PTPRD: variants seen among roughly 807,000 people sequenced by gnomAD.
PTPRD encodes protein tyrosine phosphatase receptor type D, also known as receptor-type tyrosine-protein phosphatase delta.
Under a neutral mutation model 214.5 loss-of-function variants are expected in PTPRD, and 34 were observed. The observed-to-expected ratio is 0.16, with a 90% CI of 0.12 to 0.21. The LOEUF (loss-of-function observed/expected upper bound fraction) is 0.21. PTPRD is among the 10% of genes least tolerant of loss of function. The pLI is 1.00. For missense variants in PTPRD, 2,545 were observed against 2,398.7 expected, an observed-to-expected ratio of 1.06 and a Z score of -1.27; for synonymous variants, 1,128 against 845.7, an observed-to-expected ratio of 1.33 and a Z score of -5.79.
intron 2 of PTPRD, among the ~76,000 whole-genome samples, chr9:10,446,962 A>AT (rs1465136752): frequency 3.3e-5 from 5 of 152,160 alleles, no homozygotes; most frequent in African/African-American, 1.2e-4. Context: ...ATAAGTGCAA[A>AT]GGGTATTTAG....
chr9:9,653,439 G>C (rs987044922), intron 7 of PTPRD, among the ~76,000 whole-genome samples: 62 of 142,108 alleles, frequency 4.4e-4, no homozygotes, highest in Non-Finnish European at 8.8e-4. Context: ...AGCAAATATA[G>C]GTCCTTTGGT....
chr9:9,092,768 T>A (rs925423738), intron 10 of PTPRD, among the ~76,000 whole-genome samples: 1 of 152,034 alleles, frequency 6.6e-6, no homozygotes, highest in Non-Finnish European at 1.5e-5. Context: ...GTGCTTTAAA[T>A]ATAAAGATGA....
At chr9:9,290,171 C>T (rs930595216) in intron 9 of PTPRD, among the ~76,000 whole-genome samples, 1 of 151,516 alleles carries the variant, frequency 6.6e-6, no homozygotes, top group Non-Finnish European at 1.5e-5. Context: ...TGAGGTGATA[C>T]CTCATTGTGG....
chr9:8,825,724 C>T (rs752728085), intron 11 of PTPRD, among the ~76,000 whole-genome samples: 1 of 152,122 alleles, frequency 6.6e-6, no homozygotes, highest in Non-Finnish European at 1.5e-5. Flanking sequence ...CTGCTGGTTG[C>T]CCATTGTTAT....
At chr9:9,265,348 A>G (rs1214592378) in intron 9 of PTPRD, among the ~76,000 whole-genome samples, 1 of 151,546 alleles carries the variant, frequency 6.6e-6, no homozygotes, top group East Asian at 2.0e-4. Flanking sequence ...TGCAGCCTTG[A>G]ACTCCTGGGC....
chr9:8,947,462 CAAAAA>C (rs138279192), intron 11 of PTPRD, among the ~76,000 whole-genome samples: 1 of 93,032 alleles, frequency 1.1e-5, no homozygotes. Flanking sequence ...GACTCTGTCT[CAAAAA>C]AAAAAAAAAA....
At chr9:9,113,563 GT>G (rs951622878) in intron 10 of PTPRD, among the ~76,000 whole-genome samples, 1 of 152,082 alleles carries the variant, frequency 6.6e-6, no homozygotes, top group African/African-American at 2.4e-5. Flanking sequence ...GAAAAGGGAT[GT>G]TTTTTGAAGT....
intron 8 of PTPRD, among the ~76,000 whole-genome samples, chr9:9,444,424 A>G (rs1467736744): frequency 6.6e-6 from 1 of 152,182 alleles, no homozygotes; most frequent in Admixed American, 6.5e-5. Context: ...TAATTCTCAG[A>G]CCCAAAGGAC....
At chr9:8,958,245 C>T (rs2099141815) in intron 11 of PTPRD, among the ~76,000 whole-genome samples, 2 of 151,832 alleles carry the variant, frequency 1.3e-5, no homozygotes, top group Non-Finnish European at 1.5e-5. Flanking sequence ...TTGTGTCCTG[C>T]TTGCCACTTC....
At chr9:10,374,008 A>C (rs1283995416) in intron 2 of PTPRD, among the ~76,000 whole-genome samples, 1 of 152,104 alleles carries the variant, frequency 6.6e-6, no homozygotes, top group East Asian at 1.9e-4. Flanking sequence ...ATATCTGTTT[A>C]TATCAACATT....
intron 4 of PTPRD, among the ~76,000 whole-genome samples, chr9:9,955,056 C>T (rs937314669): frequency 1.3e-5 from 2 of 152,116 alleles, no homozygotes; most frequent in Non-Finnish European, 2.9e-5. Context: ...AAAGAGCTTG[C>T]ATTTTAGTGA....
chr9:8,800,225 C>CT (rs536683658), intron 11 of PTPRD, among the ~76,000 whole-genome samples: 2 of 151,838 alleles, frequency 1.3e-5, no homozygotes, highest in African/African-American at 2.4e-5. Context: ...ATTTTTTTGG[C>CT]TTTTTTTAAG....
At chr9:9,635,993 C>G (rs1053458826) in intron 7 of PTPRD, among the ~76,000 whole-genome samples, 2 of 152,146 alleles carry the variant, frequency 1.3e-5, no homozygotes, top group African/African-American at 4.8e-5. Flanking sequence ...ATACAAAACT[C>G]TTCACTGATA....
At chr9:9,555,606 GCTTT>G (rs778273744) in intron 8 of PTPRD, among the ~76,000 whole-genome samples, 1 of 151,960 alleles carries the variant, frequency 6.6e-6, no homozygotes, top group Non-Finnish European at 1.5e-5. Flanking sequence ...TTTCCTGTTT[GCTTT>G]CTATTTTAGA....
At chr9:10,387,820 C>CTTTTTTTT (rs58959929) in intron 2 of PTPRD, among the ~76,000 whole-genome samples, 7 of 82,574 alleles carry the variant, frequency 8.5e-5, no homozygotes, top group East Asian at 4.7e-4. Context: ...AAGATTTTGT[C>CTTTTTTTT]TTTTTTTTTT....
intron 2 of PTPRD, among the ~76,000 whole-genome samples, chr9:10,459,489 A>G (rs2098942711): frequency 6.6e-6 from 1 of 152,146 alleles, no homozygotes. Context: ...ATCTTCCACA[A>G]TGGTTGAACT....
chr9:10,162,687 G>GTA (rs1486409551), intron 3 of PTPRD, among the ~76,000 whole-genome samples: 18 of 142,920 alleles, frequency 1.3e-4, no homozygotes, highest in South Asian at 2.2e-4. Flanking sequence ...ATGTATATAT[G>GTA]TGTATATATA....
intron 7 of PTPRD, among the ~76,000 whole-genome samples, chr9:9,727,798 T>C (rs1370413285): frequency 6.6e-6 from 1 of 152,170 alleles, no homozygotes; most frequent in African/African-American, 2.4e-5. Flanking sequence ...TGATACTCAG[T>C]GAATGAAAGC....
intron 5 of PTPRD, among the ~76,000 whole-genome samples, chr9:9,810,639 C>T (rs2046859394): frequency 6.6e-6 from 1 of 151,508 alleles, no homozygotes; most frequent in Non-Finnish European, 1.5e-5. Context: ...GTTTAAAATA[C>T]TATTGCTCAT....
Sources: gnomAD v4.1 joint callset for allele counts (sites outside exome capture counted in the v4.1 genomes callset) on GRCh38, gnomAD v4.1.1 for gene constraint, MANE v1.5 for transcripts, NCBI Gene and HGNC (gene_info 2026-07-23, HGNC 2026-07-21) for gene names.